Variants in DISC1 observed in about 807,000 individuals in gnomAD.
The protein encoded by DISC1 is disrupted in schizophrenia 1 protein.
A neutral mutation model predicts 84.5 loss-of-function variants in DISC1; 57 were observed. The ratio of observed to expected loss-of-function variants is 0.67; its 90% CI spans 0.55 to 0.84. The LOEUF (loss-of-function observed/expected upper bound fraction) is 0.84, where lower values mean the gene tolerates loss of function less well. Among genes scored for constraint, DISC1 ranks in the 40% least tolerant of loss-of-function variants. The pLI is 0.00. For synonymous variants in DISC1, 411 were observed against 415.2 expected (o/e 0.99, Z 0.12); for missense variants, 1,000 against 1,057.8 (o/e 0.95, Z 0.76).
At position 231,956,075 on chromosome 1, in the gene DISC1, T is replaced by C. The variant is rs116067229; in HGVS notation, c.1982-2753T>C. On this transcript the variant is annotated intron_variant, in intron 9 of 12. Coordinates refer to ENST00000439617, the MANE Select transcript of DISC1 (RefSeq NM_018662.3). ...CTGAAAGGTGAGCATAAGACCCTTA[T>C]GTGACAGTTGCCCTGCCCCCCAATG... 5.4e-3 allele frequency among the ~76,000 whole-genome samples: 816 copies of C among 152,292 alleles called. 1 individual carries two copies. Among genetic ancestry groups the C allele is most frequent in the Middle Eastern group, 0.014 (4 of 294 alleles).
At chr1:231,895,880 AT>A (rs1450966041) in intron 9 of DISC1, among the ~76,000 whole-genome samples, 2 of 152,164 alleles carry the variant, frequency 1.3e-5, no homozygotes, top group East Asian at 3.9e-4. Flanking sequence ...CCCCAAATTC[AT>A]TTCCTACAAT....
At chr1:232,036,568 A>T (rs1670536887) in intron 12 of DISC1, 124 bp from the exon 13 acceptor site, 1 of 869,514 alleles carries the variant, frequency 1.2e-6, no homozygotes, top group Admixed American at 3.9e-5. Context: ...ATTGGAAAGA[A>T]CTTTAAACTG....
chr1:231,853,771 T>C (rs2084065685), intron 9 of DISC1, among the ~76,000 whole-genome samples: 1 of 152,130 alleles, frequency 6.6e-6, no homozygotes, highest in Non-Finnish European at 1.5e-5. Context: ...ACAGATAGGC[T>C]CCAGGGTTGA....
chr1:231,821,833 C>G (rs1336860972), intron 9 of DISC1, among the ~76,000 whole-genome samples: 1 of 151,806 alleles, frequency 6.6e-6, no homozygotes, highest in Non-Finnish European at 1.5e-5. Context: ...CCTGCCTCAG[C>G]CTCCCAGGTA....
intron 10 of DISC1, among the ~76,000 whole-genome samples, chr1:232,002,937 A>G (rs1027841522): frequency 1.4e-4 from 21 of 152,208 alleles, no homozygotes; most frequent in African/African-American, 4.3e-4. Flanking sequence ...GATTTTATCA[A>G]TGTCAATACT....
intron 6 of DISC1, among the ~76,000 whole-genome samples, chr1:231,783,680 C>T (rs1174162927): frequency 2.0e-5 from 3 of 152,182 alleles, no homozygotes; most frequent in Non-Finnish European, 4.4e-5. Context: ...CAGAGCTTCC[C>T]AGTAAGCCTG....
intron 9 of DISC1, chr1:231,866,696 G>GA (rs1483785607): frequency 1.5e-6 from 2 of 1,359,392 alleles, no homozygotes; most frequent in South Asian, 2.2e-5. Context: ...ACAATAAAAA[G>GA]AAAAAAAGAA....
At chr1:231,696,186 A>G (rs1286111206) in intron 2 of DISC1, among the ~76,000 whole-genome samples, 2 of 152,134 alleles carry the variant, frequency 1.3e-5, no homozygotes, top group Non-Finnish European at 2.9e-5. Context: ...TCCTACTGCT[A>G]ATCTGTCTCT....
At chr1:231,641,747 T>G (rs1356448980) in intron 1 of DISC1, among the ~76,000 whole-genome samples, 4 of 152,194 alleles carry the variant, frequency 2.6e-5, no homozygotes, top group Non-Finnish European at 5.9e-5. Context: ...CCCACCAGAT[T>G]AGCTAGATAC....
intron 1 of DISC1, among the ~76,000 whole-genome samples, chr1:231,631,895 C>T (rs1011942973): frequency 1.3e-5 from 2 of 152,152 alleles, no homozygotes; most frequent in African/African-American, 4.8e-5. Context: ...CCTCAACCCT[C>T]ACGTGCACTC....
At chr1:231,870,654 G>GC (rs200784958) in intron 9 of DISC1, among the ~76,000 whole-genome samples, 2,093 of 152,200 alleles carry the variant, frequency 0.014, 53 homozygotes, top group African/African-American at 0.048. Context: ...GAGATTGACA[G>GC]CCCCCCAAAA....
At chr1:231,978,591 A>G (rs754058237) in intron 10 of DISC1, among the ~76,000 whole-genome samples, 29 of 152,212 alleles carry the variant, frequency 1.9e-4, no homozygotes, top group Non-Finnish European at 2.9e-4. Flanking sequence ...GTGCATTAGT[A>G]GGAAGTCACG....
At chr1:232,002,616 C>G (rs532175991) in intron 10 of DISC1, among the ~76,000 whole-genome samples, 1 of 148,730 alleles carries the variant, frequency 6.7e-6, no homozygotes. Context: ...CACACACACA[C>G]ACACACACAC....
chr1:232,000,912 C>T (rs1292925194), intron 10 of DISC1, among the ~76,000 whole-genome samples: 1 of 151,946 alleles, frequency 6.6e-6, no homozygotes, highest in Non-Finnish European at 1.5e-5. Flanking sequence ...TTGTTGTTAG[C>T]AGATTAAAGA....
In DISC1 at chr1:231,834,370, A is replaced by G. The variant is rs557908253; in HGVS notation, c.1981+15853A>G. ...TGGGGTTGGGACTGAGGGGACAGGC[A>G]GGAGGGAAAGAAGGAAGATTTGGGA... is the stretch of plus-strand genomic sequence containing the variant. On this transcript the variant is annotated intron_variant, in intron 9 of 12. Transcript: ENST00000439617. Among the ~76,000 whole-genome samples, 5 of 152,234 alleles carry G rather than the reference A, an allele frequency of 3.3e-5. No homozygotes were observed. The South Asian group carries it at 1.0e-3, about 32-fold the overall frequency.
rs78855106 is a variant in DISC1 at position 231,671,301 on chromosome 1, T to C, written c.68-22525T>C. Among the ~76,000 whole-genome samples, 3,180 of 152,262 alleles carry C rather than the reference T, an allele frequency of 0.021. 159 individuals carry two copies. The East Asian group carries it at 0.21, about 10-fold the overall frequency. ...ATATCATCTTCCTTTTCATTATTTT[T>C]TTTTTACCTTTTCCTTTGCATTTTG... On this transcript the variant is annotated intron_variant, in intron 1 of 12. Coordinates refer to ENST00000439617, the MANE Select transcript of DISC1 (RefSeq NM_018662.3).
At chr1:231,990,820 C>T (rs1382512290) in intron 10 of DISC1, among the ~76,000 whole-genome samples, 1 of 152,202 alleles carries the variant, frequency 6.6e-6, no homozygotes, top group Non-Finnish European at 1.5e-5. Context: ...GGGACATTTC[C>T]CTTCTCCTGC....
intron 3 of DISC1, among the ~76,000 whole-genome samples, chr1:231,711,613 C>T (rs980221278): frequency 4.6e-5 from 7 of 151,936 alleles, no homozygotes; most frequent in Admixed American, 6.6e-5. Flanking sequence ...CGTGATCCAC[C>T]GACCTTGGCT....
chr1:231,835,943 C>T (rs77413639), intron 9 of DISC1, among the ~76,000 whole-genome samples: 2 of 152,328 alleles, frequency 1.3e-5, no homozygotes, highest in East Asian at 3.9e-4. Context: ...TCTATTTCCA[C>T]TCTGTGTATT....
Sources: gnomAD v4.1 joint callset for allele counts (sites outside exome capture counted in the v4.1 genomes callset) on GRCh38, gnomAD v4.1.1 for gene constraint, MANE v1.5 for transcripts, NCBI Gene and HGNC (gene_info 2026-07-23, HGNC 2026-07-21) for gene names.